Variants in WDR24 observed in about 807,000 individuals in gnomAD.
The protein encoded by WDR24 is WD repeat domain 24.
In WDR24, 32 loss-of-function variants were observed where a neutral mutation model predicts 66.7. That is an observed-to-expected ratio of 0.48 (90% confidence interval 0.36 to 0.64). The LOEUF is 0.64. Among genes scored for constraint, WDR24 ranks in the 30% least tolerant of loss-of-function variants. The probability of loss-of-function intolerance (pLI) is 0.00; values close to 1 mark genes in which losing one functional copy is unlikely to be tolerated. For synonymous variants in WDR24, 565 were observed against 469.1 expected (o/e 1.20, Z -2.64); for missense variants, 978 against 1,144.1 (o/e 0.85, Z 2.09).
chr16:685,229 C>A, intron 7 of WDR24, 28 bp downstream of exon 7: 1 of 1,595,916 alleles, frequency 6.3e-7, no homozygotes, highest in South Asian at 1.1e-5. Context: ...GGCGGCGCTG[C>A]AGGGGGGAGG....
chr16:689,004 C>A (rs2039938980), intron 1 of WDR24, 156 bp downstream of exon 1: 1 of 1,242,858 alleles, frequency 8.0e-7, no homozygotes, highest in African/African-American at 1.5e-5. Context: ...GCCCAACTTG[C>A]CCCATCCCTC....
intron 1 of WDR24, chr16:687,964 C>A (rs772156973): frequency 1.0e-5 from 7 of 690,896 alleles, no homozygotes; most frequent in Non-Finnish European, 1.6e-5. Flanking sequence ...CACATACTCC[C>A]GGGCGTCATT....
At chr16:684,933 G>C (rs1380690467) in intron 8 of WDR24, 31 bp from the exon 9 acceptor site, 1 of 1,536,374 alleles carries the variant, frequency 6.5e-7, no homozygotes. Context: ...GGGTGCCTCA[G>C]CGGGGGCTGC....
In WDR24 at chr16:684,850, G is replaced by C. The variant is rs1160665010; in HGVS notation, c.2257C>G (p.Leu753Val). 2.1e-6 allele frequency: 3 copies of C among 1,442,188 alleles called. No individual in the cohort carries two copies. The highest frequency in any genetic ancestry group is 2.8e-6 in the Non-Finnish European group (3 of 1,081,140). 89.3% of individuals were successfully genotyped at this position (1,442,188 alleles called of 1,614,324 possible). A position where few individuals can be genotyped will look rare whatever the true frequency, so the allele number is the denominator to read the frequency against. Residue 753 changes from leucine (L) to valine (V), a missense_variant, in exon 9 of 9, where the codon CTC becomes GTC. By Grantham distance (32) the Leu-to-Val change is conservative. This residue lies in a region of WDR24 where 676 missense variants were observed against 617.5 expected (regional missense o/e 1.09). Coordinates refer to ENST00000293883, the MANE Select transcript of WDR24 (RefSeq NM_032259.4). Reference protein sequence around the residue: ...CAVCHHVVKGLFVWCQGCSHG... With the variant: ...CAVCHHVVKGVFVWCQGCSHG... ...CTGCAGCCCTGGCACCACACGAAGAGACCCTTGACTACGTGGTGGCAGACG... is the reference window on the plus strand; with the variant it reads ...CTGCAGCCCTGGCACCACACGAAGACACCCTTGACTACGTGGTGGCAGACG...
Position 686,182 on chromosome 16 carries a change from G to C in WDR24, c.1337C>G (p.Ala446Gly). 1.2e-6 allele frequency: 2 copies of C among 1,612,494 alleles called. No individual in the cohort carries two copies. Among genetic ancestry groups the C allele is most frequent in the Non-Finnish European group, 1.7e-6 (2 of 1,179,876 alleles). The change falls in exon 4 of 9, where the codon GCG (alanine) becomes GGG (glycine). Residue 446 changes from alanine (A) to glycine (G), a missense_variant. Ala to Gly is a moderately conservative substitution (Grantham distance 60, BLOSUM62 0). This residue lies in a region of WDR24 where 676 missense variants were observed against 617.5 expected (regional missense o/e 1.09). Coordinates refer to ENST00000293883, the MANE Select transcript of WDR24 (RefSeq NM_032259.4). ...VARELGRNQV[A>G]QTWTMLRIIY... is the part of the protein sequence containing the mutation. Reference sequence around the variant, plus strand: ...GATCCGCAGCATGGTCCACGTTTGCGCCACCTAGGGGCGGGCACTGGTCAC... The same window carrying C: ...GATCCGCAGCATGGTCCACGTTTGCCCCACCTAGGGGCGGGCACTGGTCAC...
At position 684,626 on chromosome 16, in the gene WDR24, C is replaced by T; in HGVS notation, c.*108G>A. The stretch of plus-strand genomic sequence containing the variant: ...GGGTGACACGCAGTGCCGACAGCGG[C>T]TCTACTTCCTTTATTGAGGTCTCAA... On this transcript the variant is annotated 3_prime_UTR_variant, in exon 9 of 9. Coordinates refer to ENST00000293883, the MANE Select transcript of WDR24 (RefSeq NM_032259.4). The T allele has an allele frequency of 1.4e-6, 2 of 1,444,706 alleles. No homozygotes were observed. The highest frequency in any genetic ancestry group is 1.4e-5 in the South Asian group (1 of 69,662). 89.5% of individuals were successfully genotyped at this position (1,444,706 alleles called of 1,614,324 possible).
chr16:685,720 T>C lies in WDR24; in HGVS notation c.1637A>G (p.Glu546Gly). Residue 546 changes from glutamate to glycine, a missense_variant, in exon 6 of 9, where the codon GAG (glutamate) becomes GGG (glycine). By Grantham distance (98) the Glu-to-Gly change is moderately conservative. Transcript: ENST00000293883. ...ADYLLGDVEG[E>G]EDELYLLDPE... is the part of the protein sequence containing the mutation. ...ATCCAGCAGGTACAGCTCGTCCTCC[T>C]CACCTTCCACGTCACCCAGCAGGTA... 6.2e-7 allele frequency: 1 copy of C among 1,613,206 alleles called. No individual in the cohort carries two copies. Among genetic ancestry groups the C allele is most frequent in the Non-Finnish European group, 8.5e-7 (1 of 1,179,990 alleles).
chr16:689,969 C>G lies in WDR24; in HGVS notation c.-329G>C, dbSNP rs1448555658. ...TGGACATTCCCGGCCCAGGCCACCT[C>G]TCGGTACCCCCATCAGCCAGATCTG... On this transcript the variant is annotated 5_prime_UTR_variant, in exon 1 of 9. Transcript: ENST00000293883. 1 of 568,306 alleles carries G rather than the reference C, an allele frequency of 1.8e-6. No homozygotes were observed. Among genetic ancestry groups the G allele is most frequent in the African/African-American group, 1.8e-5 (1 of 54,070 alleles). 35.2% of individuals were successfully genotyped at this position (568,306 alleles called of 1,614,324 possible).
Position 686,950 on chromosome 16 carries a change from G to A in WDR24, c.1126C>T (p.Pro376Ser). Residue 376 changes from proline (P) to serine (S), a missense_variant, in exon 3 of 9, where the codon CCC (proline) becomes TCC (serine). This residue lies in a region of WDR24 where 676 missense variants were observed against 617.5 expected (regional missense o/e 1.09). Transcript: ENST00000293883. ...RKPYTGDRRH[P>S]IFFKRKLDPA... is the part of the protein sequence containing the mutation. ...TCCAGCTTGCGCTTAAAGAAGATGG[G>A]GTGGCGCCGGTCGCCAGTGTAGGGC... 1 of 1,600,806 alleles carries A rather than the reference G, an allele frequency of 6.2e-7. No individual in the cohort carries two copies. Among genetic ancestry groups the A allele is most frequent in the Non-Finnish European group, 8.5e-7 (1 of 1,176,984 alleles).
At position 685,238 on chromosome 16, in the gene WDR24, G is replaced by C; in HGVS notation, c.2019+19C>G. ...GCCAGGGGCGGCGCTGCAGGGGGGA[G>C]GCCCCGCCCACCACACACCTGGGTC... On this transcript the variant is annotated intron_variant, in intron 7 of 8. Transcript: ENST00000293883. The C allele has an allele frequency of 1.3e-6, 2 of 1,594,170 alleles. No homozygotes were observed. Among genetic ancestry groups the C allele is most frequent in the Non-Finnish European group, 1.7e-6 (2 of 1,170,274 alleles).
chr16:686,429 G>A (rs1344186479), intron 3 of WDR24, among the ~76,000 whole-genome samples: 3 of 152,212 alleles, frequency 2.0e-5, no homozygotes, highest in Admixed American at 1.3e-4. Flanking sequence ...CTAGAGATGG[G>A]CATGGGAACG....
Position 687,226 on chromosome 16 carries a change from G to A in WDR24, c.850C>T (p.Arg284Cys), listed in dbSNP as rs1446593937. 2.5e-6 allele frequency: 4 copies of A among 1,612,454 alleles called. No homozygotes were observed. Among genetic ancestry groups the A allele is most frequent in the Non-Finnish European group, 2.5e-6 (3 of 1,179,984 alleles). The change falls in exon 3 of 9, where the codon CGC (arginine) becomes TGC (cysteine). Residue 284 changes from arginine to cysteine, a missense_variant. By Grantham distance (180) the Arg-to-Cys change is radical. Coordinates refer to ENST00000293883, the MANE Select transcript of WDR24 (RefSeq NM_032259.4). Reference sequence around the variant, plus strand: ...ATGGCAGCTGGCACGAAGGGCCGGCGCACGTCCCAAACATAGATGTTGTGG... The same window carrying A: ...ATGGCAGCTGGCACGAAGGGCCGGCACACGTCCCAAACATAGATGTTGTGG... ...VDHNIYVWDVRRPFVPAAMFE... is the reference protein window; with the variant it reads ...VDHNIYVWDVCRPFVPAAMFE...
Position 687,092 on chromosome 16 carries a change from G to A in WDR24, c.984C>T (p.Phe328=). The change falls in exon 3 of 9, where the codon TTC becomes TTT. Residue 328 remains phenylalanine, a synonymous_variant. Transcript: ENST00000293883. The part of the protein sequence containing the change: ...SKDSSLCQHL[F]RDASQPVERA... ...GCTCGACGGGCTGGCTGGCGTCGCG[G>A]AACAGGTGCTGGCACAGCGAGCTGT... 1 of 1,609,258 alleles carries A rather than the reference G, an allele frequency of 6.2e-7. No individual in the cohort carries two copies. The highest frequency in any genetic ancestry group is 8.5e-7 in the Non-Finnish European group (1 of 1,179,484).
Position 685,918 on chromosome 16 carries a change from C to A in WDR24, c.1524G>T (p.Arg508=). 1 of 1,613,218 alleles carries A rather than the reference C, an allele frequency of 6.2e-7. No homozygotes were observed. Among genetic ancestry groups the A allele is most frequent in the Non-Finnish European group, 8.5e-7 (1 of 1,180,002 alleles). The change falls in exon 5 of 9, where the codon CGG becomes CGT. Residue 508 remains arginine, a synonymous_variant. Transcript: ENST00000293883. Reference sequence around the variant, plus strand: ...AGGAGTCGAGCAGAACTGTGTCGCTCCGTGCATCTCCTTTGCTGCGGTCCA... The same window carrying A: ...AGGAGTCGAGCAGAACTGTGTCGCTACGTGCATCTCCTTTGCTGCGGTCCA... The part of the protein sequence containing the change: ...TRLDRSKGDA[R]SDTVLLDSSA...
At chr16:686,322 G>A in intron 3 of WDR24, 136 bp from the exon 4 acceptor site, 1 of 983,116 alleles carries the variant, frequency 1.0e-6, no homozygotes, top group African/African-American at 1.6e-5. Context: ...ACCCCAGGTA[G>A]GAAAGCTGAG....
Position 687,192 on chromosome 16 carries a change from T to C in WDR24, c.884A>G (p.Glu295Gly). 1 of 1,612,640 alleles carries C rather than the reference T, an allele frequency of 6.2e-7. No homozygotes were observed. The highest frequency in any genetic ancestry group is 1.1e-5 in the South Asian group (1 of 91,082). ...AATTCCCGTGGTGACGTCTCGGTGTTCCTCAAACATGGCAGCTGGCACGAA... is the reference window on the plus strand; with the variant it reads ...AATTCCCGTGGTGACGTCTCGGTGTCCCTCAAACATGGCAGCTGGCACGAA... Reference protein sequence around the residue: ...RPFVPAAMFEEHRDVTTGIAW... With the variant: ...RPFVPAAMFEGHRDVTTGIAW... The change falls in exon 3 of 9, where the codon GAA (glutamate) becomes GGA (glycine). Residue 295 changes from glutamate to glycine, a missense_variant. Coordinates refer to ENST00000293883, the MANE Select transcript of WDR24 (RefSeq NM_032259.4).
rs374131703 is a variant in WDR24 at position 685,779 on chromosome 16, G to A, written c.1578C>T (p.Asn526=). 193 of 1,613,176 alleles carry A rather than the reference G, an allele frequency of 1.2e-4. No homozygotes were observed. Among genetic ancestry groups the A allele is most frequent in the Admixed American group, 1.7e-4 (10 of 60,018 alleles). ...SSATLITNED[N]EETEGSDVPA... Reference sequence around the variant, plus strand: ...GTACGTCGCTGCCCTCGGTTTCCTCGTTATCTGCCCGACAATGGGGCGGGC... The same window carrying A: ...GTACGTCGCTGCCCTCGGTTTCCTCATTATCTGCCCGACAATGGGGCGGGC... The change falls in exon 6 of 9, where the codon AAC becomes AAT. Residue 526 remains asparagine (N), a synonymous_variant. Coordinates refer to ENST00000293883, the MANE Select transcript of WDR24 (RefSeq NM_032259.4).
rs766836292 is a variant in WDR24, at chr16:685,318, G to A, written c.1958C>T (p.Ala653Val). ...ACCCAGGACGATGAGCACAGACACA[G>A]CCATCTGCACGTCGCCCTGCTCAGC... Reference protein sequence around the residue: ...FYAEQGDVQMAVSVLIVLGER... With the variant: ...FYAEQGDVQMVVSVLIVLGER... The change falls in exon 7 of 9, where the codon GCT (alanine) becomes GTT (valine). Residue 653 changes from alanine to valine, a missense_variant. Physicochemically the swap from Ala to Val is moderately conservative, Grantham distance 64. This residue lies in a region of WDR24 where 676 missense variants were observed against 617.5 expected (regional missense o/e 1.09). Coordinates refer to ENST00000293883, the MANE Select transcript of WDR24 (RefSeq NM_032259.4). 5 of 1,605,624 alleles carry A rather than the reference G, an allele frequency of 3.1e-6. No individual in the cohort carries two copies. Among genetic ancestry groups the A allele is most frequent in the East Asian group, 2.2e-5 (1 of 44,768 alleles).
At chr16:688,544 G>T (rs754282134) in intron 1 of WDR24, among the ~76,000 whole-genome samples, 1 of 152,126 alleles carries the variant, frequency 6.6e-6, no homozygotes, top group Non-Finnish European at 1.5e-5. Context: ...GGCCTGCCTC[G>T]GCCTCCCAAA....
Sources: gnomAD v4.1 joint callset for allele counts (sites outside exome capture counted in the v4.1 genomes callset) on GRCh38, gnomAD v4.1.1 for gene constraint, gnomAD v4.1.1 regional missense constraint, MANE v1.5 for transcripts, NCBI Gene and HGNC (gene_info 2026-07-23, HGNC 2026-07-21) for gene names.